The following MPG variants were observed in gnomAD, a reference collection of about 807,000 sequenced individuals.
The protein encoded by MPG is N-methylpurine DNA glycosylase.
Under a neutral mutation model 31.7 loss-of-function variants are expected in MPG, and 33 were observed. The ratio of observed to expected loss-of-function variants is 1.04; its 90% CI spans 0.79 to 1.39. The LOEUF (loss-of-function observed/expected upper bound fraction) is 1.39. MPG is among the 40% of genes most tolerant of loss of function. The pLI is 0.00. For synonymous variants in MPG, 202 were observed against 169.2 expected, an observed-to-expected ratio of 1.19 and a Z score of -1.51; for missense variants, 455 against 415.5, an observed-to-expected ratio of 1.10 and a Z score of -0.83.
At position 78,253 on chromosome 16, in the gene MPG, G is replaced by A; in HGVS notation, c.-57G>A. On this transcript the variant is annotated 5_prime_UTR_variant, in exon 1 of 4. Transcript: ENST00000356432. ...CCTAGGGGTGCTTCCGTGGTCGGCG[G>A]CTGCTGGGCTCCGCGCCGGGGTCCG... is the stretch of plus-strand genomic sequence containing the variant. The A allele has an allele frequency of 1.5e-6, 2 of 1,364,972 alleles. No individual in the cohort carries two copies. The highest frequency in any genetic ancestry group is 1.9e-6 in the Non-Finnish European group (2 of 1,054,654). 84.6% of individuals were successfully genotyped at this position (1,364,972 alleles called of 1,614,324 possible). A position where few individuals can be genotyped will look rare whatever the true frequency, so the allele number is the denominator to read the frequency against.
At chr16:82,263 T>G (rs1898271693) in intron 2 of MPG, among the ~76,000 whole-genome samples, 1 of 146,986 alleles carries the variant, frequency 6.8e-6, no homozygotes, top group South Asian at 2.2e-4. Flanking sequence ...CCGGCGAGCA[T>G]CTAAGCTCCA....
intron 1 of MPG, chr16:78,996 T>TCTGG: frequency 7.2e-7 from 1 of 1,380,592 alleles, no homozygotes; most frequent in African/African-American, 1.5e-5. Flanking sequence ...TAAGATCCTG[T>TCTGG]GTTTTGAATT....
At position 83,195 on chromosome 16, in the gene MPG, G is replaced by A. The variant is rs4986985; in HGVS notation, c.444G>A (p.Pro148=). Residue 148 remains proline, a synonymous_variant, in exon 3 of 4, where the codon CCG becomes CCA. Transcript: ENST00000356432. ...GCAACCGAGGCATGTTCATGAAGCC[G>A]GGGACCCTGTACGTGTACATCATTT... ...TPRNRGMFMK[P]GTLYVYIIYG... The A allele has an allele frequency of 5.4e-5, 87 of 1,613,070 alleles. No individual in the cohort carries two copies. The highest frequency in any genetic ancestry group is 2.2e-4 in the South Asian group (20 of 91,072).
intron 2 of MPG, 90 bp from the exon 3 acceptor site, chr16:82,962 G>A: frequency 8.3e-7 from 1 of 1,206,376 alleles, no homozygotes; most frequent in Non-Finnish European, 1.2e-6. Context: ...GACACACCCT[G>A]AGCTGGGGAG....
rs1898265031 is a variant in MPG, at chr16:82,174, GGAAGCCC to G, written c.301-877_301-871del. Among the ~76,000 whole-genome samples, 4 of 103,686 alleles carry G rather than the reference GGAAGCCC, an allele frequency of 3.9e-5. 1 individual carries two copies. Among genetic ancestry groups the G allele is most frequent in the Non-Finnish European group, 7.2e-5 (4 of 55,702 alleles). 68.0% of individuals were successfully genotyped at this position (103,686 alleles called of 152,430 possible). On this transcript the variant is annotated intron_variant, in intron 2 of 3. Coordinates refer to ENST00000356432, the MANE Select transcript of MPG (RefSeq NM_001015052.3). ...CCTTCTTCCCACCACCCTATCTCCG[GGAAGCCC>G]TCCTGAATGCTCCCCGCGCTGACCC...
Position 79,549 on chromosome 16 carries a change from C to G in MPG, c.149C>G (p.Pro50Arg), listed in dbSNP as rs146657900. 2.9e-5 allele frequency: 47 copies of G among 1,612,922 alleles called. No individual in the cohort carries two copies. Among genetic ancestry groups the G allele is most frequent in the Non-Finnish European group, 3.8e-5 (45 of 1,179,992 alleles). The change falls in exon 2 of 4, where the codon CCT (proline) becomes CGT (arginine). Residue 50 changes from proline to arginine, a missense_variant. By Grantham distance (103) the Pro-to-Arg change is moderately radical. Coordinates refer to ENST00000356432, the MANE Select transcript of MPG (RefSeq NM_001015052.3). ...PHSSSDAAQAPCPRERCLGPP... is the reference protein window; with the variant it reads ...PHSSSDAAQARCPRERCLGPP... ...AGCTCGTCCGATGCAGCCCAGGCAC[C>G]TTGCCCCAGGGAGCGCTGCTTGGGA... is the stretch of plus-strand genomic sequence containing the variant.
At position 78,240 on chromosome 16, in the gene MPG, T is replaced by G. The variant is rs1898143021; in HGVS notation, c.-70T>G. On this transcript the variant is annotated 5_prime_UTR_variant, in exon 1 of 4. Transcript: ENST00000356432. ...GCTCCGCCCCGGTCCTAGGGGTGCTTCCGTGGTCGGCGGCTGCTGGGCTCC... is the reference window on the plus strand; with the variant it reads ...GCTCCGCCCCGGTCCTAGGGGTGCTGCCGTGGTCGGCGGCTGCTGGGCTCC... The G allele has an allele frequency of 7.4e-7, 1 of 1,349,636 alleles. No individual in the cohort carries two copies. The highest frequency in any genetic ancestry group is 1.5e-5 in the African/African-American group (1 of 65,272). The allele number at this position is 1,349,636 out of a possible 1,614,324, so 83.6% of individuals were successfully genotyped here. A position where few individuals can be genotyped will look rare whatever the true frequency, so the allele number is the denominator to read the frequency against.
intron 2 of MPG, chr16:79,943 C>T (rs1898196986): frequency 1.7e-6 from 1 of 582,786 alleles, no homozygotes; most frequent in South Asian, 2.1e-5. Flanking sequence ...ACTGTCTGCC[C>T]CCGGCTCTGG....
intron 2 of MPG, among the ~76,000 whole-genome samples, chr16:80,858 C>T (rs1030966768): frequency 1.3e-5 from 2 of 152,176 alleles, no homozygotes; most frequent in South Asian, 2.1e-4. Context: ...CAAAACAGCA[C>T]GTGTGGCAGG....
In MPG at chr16:79,644, G is replaced by C; in HGVS notation, c.244G>C (p.Gly82Arg). The change falls in exon 2 of 4, where the codon GGG (glycine) becomes CGG (arginine). Residue 82 changes from glycine to arginine, a missense_variant. By Grantham distance (125) the Gly-to-Arg change is moderately radical (BLOSUM62 -2). Coordinates refer to ENST00000356432, the MANE Select transcript of MPG (RefSeq NM_001015052.3). ...CCCAAAGGGCCACCTTACCCGACTG[G>C]GGTTGGAGTTCTTCGACCAGCCGGC... ...SSPKGHLTRL[G>R]LEFFDQPAVP... 1 of 1,578,800 alleles carries C rather than the reference G, an allele frequency of 6.3e-7. No homozygotes were observed.
In MPG at chr16:83,225, C is replaced by A. The variant is rs1391900526; in HGVS notation, c.474C>A (p.Gly158=). ...CCCTGTACGTGTACATCATTTACGG[C>A]ATGTACTTCTGCATGAACATCTCCA... ...PGTLYVYIIY[G]MYFCMNISSQ... Residue 158 remains glycine (G), a synonymous_variant, in exon 3 of 4, where the codon GGC becomes GGA. Coordinates refer to ENST00000356432, the MANE Select transcript of MPG (RefSeq NM_001015052.3). 1.9e-6 allele frequency: 3 copies of A among 1,612,760 alleles called. No homozygotes were observed. In the South Asian group the frequency reaches 3.3e-5, roughly 18 times the overall value.
upstream of MPG, chr16:77,221 G>T: frequency 6.6e-6 from 1 of 152,456 alleles, no homozygotes; most frequent in Non-Finnish European, 1.5e-5. Flanking sequence ...GGGTGGGATT[G>T]TGCCTGCCAC....
Position 79,493 on chromosome 16 carries a change from C to T in MPG, c.93C>T (p.Asp31=), listed in dbSNP as rs2266605. The T allele has an allele frequency of 1.1e-3, 1,744 of 1,612,700 alleles. 22 individuals are homozygous for T. In the African/African-American group the frequency reaches 0.019, roughly 17 times the overall value. Residue 31 remains aspartate, a synonymous_variant, in exon 2 of 4, where the codon GAC becomes GAT. Transcript: ENST00000356432. The part of the protein sequence containing the change: ...ARAGQPHSSS[D]AAQAPAEQPH... ...CAGGGCAGCCACACAGCTCGTCCGA[C>T]GCAGCCCAGGCACCTGCAGAGCAGC...
At chr16:84,950 C>A (rs942897792) in intron 3 of MPG, among the ~76,000 whole-genome samples, 7 of 152,256 alleles carry the variant, frequency 4.6e-5, no homozygotes, top group African/African-American at 1.7e-4. Flanking sequence ...CTTCCTGCTT[C>A]CTGGCTGAAT....
At chr16:79,980 G>C (rs549997308) in intron 2 of MPG, 1 of 534,304 alleles carries the variant, frequency 1.9e-6, no homozygotes, top group Non-Finnish European at 3.4e-6. Flanking sequence ...CACTTGCACC[G>C]TTAGCCTTCC....
At chr16:81,378 C>T (rs371229616) in intron 2 of MPG, among the ~76,000 whole-genome samples, 1 of 152,100 alleles carries the variant, frequency 6.6e-6, no homozygotes. Flanking sequence ...GTAGTTGGGC[C>T]CCCCCAGTGT....
chr16:79,518 C>CCACACAGCT lies in MPG; in HGVS notation c.120_128dup (p.His41_Ser43dup). On this transcript the variant is annotated inframe_insertion, in exon 2 of 4. Transcript: ENST00000356432. ...CGCAGCCCAGGCACCTGCAGAGCAG[C>CCACACAGCT]CACACAGCTCGTCCGATGCAGCCCA... is the stretch of plus-strand genomic sequence containing the variant. The CCACACAGCT allele has an allele frequency of 6.2e-7, 1 of 1,612,906 alleles. No homozygotes were observed. The highest frequency in any genetic ancestry group is 1.1e-5 in the South Asian group (1 of 91,070).
At chr16:79,200 C>G in intron 1 of MPG, 2 of 1,549,130 alleles carry the variant, frequency 1.3e-6, no homozygotes, top group Non-Finnish European at 1.7e-6. Context: ...AGCAGCCACC[C>G]TGCCCCCAGC....
chr16:82,089 G>A (rs12933457), intron 2 of MPG, among the ~76,000 whole-genome samples: 412 of 29,622 alleles, frequency 0.014, 2 homozygotes, highest in Middle Eastern at 0.065. Context: ...CCCCACGCTG[G>A]CCCCTTCTTC....
Sources: allele counts gnomAD v4.1 joint callset (sites outside exome capture counted in the v4.1 genomes callset), GRCh38; gene constraint gnomAD v4.1.1; transcripts MANE v1.5; gene names NCBI Gene and HGNC (gene_info 2026-07-23, HGNC 2026-07-21).